Variants in MAML2 observed in about 807,000 individuals in gnomAD.
MAML2 encodes mastermind-like protein 2.
MAML2 carries 22 observed loss-of-function variants against 96.1 expected under a neutral mutation model. The observed-to-expected ratio is 0.23, with a 90% CI of 0.16 to 0.33. MAML2 has a LOEUF of 0.33. Ranked by LOEUF, MAML2 falls within the 10% of genes least tolerant of loss-of-function variation. The pLI, the probability that MAML2 is intolerant of heterozygous loss-of-function variation, is 1.00. For synonymous variants in MAML2, 561 were observed against 521.3 expected, an observed-to-expected ratio of 1.08 and a Z score of -1.04; for missense variants, 1,367 against 1,392.4, an observed-to-expected ratio of 0.98 and a Z score of 0.29.
chr11:96,237,224 C>T (rs1201599196), intron 1 of MAML2, among the ~76,000 whole-genome samples: 1 of 152,152 alleles, frequency 6.6e-6, no homozygotes, highest in East Asian at 1.9e-4. Context: ...TCTTCTCATC[C>T]TCTCAGATCC....
intron 1 of MAML2, among the ~76,000 whole-genome samples, chr11:96,181,968 G>A (rs1220701661): frequency 1.3e-5 from 2 of 151,942 alleles, no homozygotes; most frequent in Non-Finnish European, 2.9e-5. Context: ...TCTCATCTTG[G>A]CTCCCTTAAA....
intron 1 of MAML2, among the ~76,000 whole-genome samples, chr11:96,298,177 A>T (rs1039733593): frequency 6.6e-6 from 1 of 152,256 alleles, no homozygotes; most frequent in Admixed American, 6.5e-5. Context: ...TTTCTGCAAC[A>T]GTGACATCCA....
At chr11:96,224,955 T>C (rs1274260622) in intron 1 of MAML2, among the ~76,000 whole-genome samples, 1 of 152,252 alleles carries the variant, frequency 6.6e-6, no homozygotes, top group Non-Finnish European at 1.5e-5. Context: ...AAAAGCACTT[T>C]GTCTAAAAGC....
At chr11:96,292,379 T>C (rs937214268) in intron 1 of MAML2, among the ~76,000 whole-genome samples, 1 of 152,256 alleles carries the variant, frequency 6.6e-6, no homozygotes, top group Non-Finnish European at 1.5e-5. Context: ...ATGCTCACTA[T>C]GTATTTGGCT....
chr11:96,338,617 G>T (rs145154180), intron 1 of MAML2, among the ~76,000 whole-genome samples: 21 of 152,294 alleles, frequency 1.4e-4, no homozygotes, highest in African/African-American at 5.1e-4. Flanking sequence ...GTACTAGAAG[G>T]TATGCAGGAT....
intron 1 of MAML2, among the ~76,000 whole-genome samples, chr11:96,330,558 C>A (rs111917891): frequency 6.6e-6 from 1 of 152,182 alleles, no homozygotes; most frequent in African/African-American, 2.4e-5. Flanking sequence ...AAAACAATGA[C>A]GCAATATTTC....
rs187070659 is a variant in MAML2 at position 96,233,810 on chromosome 11, G to A, written c.513+107573C>T. On this transcript the variant is annotated intron_variant, in intron 1 of 4. Transcript: ENST00000524717. ...TGATACATCACCTCTTTCACCTGCC[G>A]TGTAGTTGGTATTCAGTGTTAGAAA... Among the ~76,000 whole-genome samples, 149 of 152,250 alleles carry A rather than the reference G, an allele frequency of 9.8e-4. 1 individual carries two copies. Among genetic ancestry groups the A allele is most frequent in the African/African-American group, 3.3e-3 (137 of 41,516 alleles).
At chr11:96,209,179 C>G (rs1190902623) in intron 1 of MAML2, among the ~76,000 whole-genome samples, 1 of 132,804 alleles carries the variant, frequency 7.5e-6, no homozygotes, top group Non-Finnish European at 1.5e-5. Flanking sequence ...TACTTGTTCA[C>G]AGAGAGCAAC....
intron 2 of MAML2, among the ~76,000 whole-genome samples, chr11:95,994,954 C>T (rs1857969950): frequency 6.6e-6 from 1 of 152,184 alleles, no homozygotes; most frequent in South Asian, 2.1e-4. Context: ...TAATTCACCT[C>T]TCTAAGCCTC....
chr11:96,034,452 A>AGTGT (rs1451571303), intron 2 of MAML2, among the ~76,000 whole-genome samples: 16 of 139,828 alleles, frequency 1.1e-4, no homozygotes, highest in African/African-American at 4.9e-4. Flanking sequence ...AGAGAGAGAG[A>AGTGT]GAGAGTGTGT....
At chr11:96,122,026 G>A (rs1302088539) in intron 1 of MAML2, among the ~76,000 whole-genome samples, 1 of 125,304 alleles carries the variant, frequency 8.0e-6, no homozygotes, top group Non-Finnish European at 1.6e-5. Flanking sequence ...TAGCCAGAAT[G>A]GTCTCGATCT....
rs1863989969 is a variant in MAML2 at position 96,341,401 on chromosome 11, C to T, written c.495G>A (p.Arg165=). The T allele has an allele frequency of 1.3e-6, 2 of 1,534,354 alleles. No individual in the cohort carries two copies. Among genetic ancestry groups the T allele is most frequent in the Non-Finnish European group, 1.8e-6 (2 of 1,137,040 alleles). The change falls in exon 1 of 5, where the codon AGG becomes AGA. Residue 165 remains arginine, a synonymous_variant. Transcript: ENST00000524717. ...QPPASTPGDQ[R]NSALIALQGS... ...TGCTTACCGCAATCAGGGCTGAGTT[C>T]CTCTGGTCCCCTGGGGTTGAAGCGG...
intron 1 of MAML2, among the ~76,000 whole-genome samples, chr11:96,093,945 A>T (rs954980570): frequency 6.6e-6 from 1 of 152,058 alleles, no homozygotes; most frequent in African/African-American, 2.4e-5. Flanking sequence ...TAAGCAAGAT[A>T]GAAAACACTC....
At chr11:96,137,400 T>C (rs755833722) in intron 1 of MAML2, among the ~76,000 whole-genome samples, 19 of 152,188 alleles carry the variant, frequency 1.2e-4, no homozygotes, top group Non-Finnish European at 2.2e-4. Flanking sequence ...AAGAAGCAAA[T>C]CTGACTAGTT....
chr11:96,138,940 C>T (rs1027075300), intron 1 of MAML2, among the ~76,000 whole-genome samples: 3 of 152,128 alleles, frequency 2.0e-5, no homozygotes, highest in Admixed American at 2.0e-4. Context: ...ATTTCACAAC[C>T]CATTCTAAAA....
chr11:96,116,887 T>C (rs781137007), intron 1 of MAML2, among the ~76,000 whole-genome samples: 1 of 152,056 alleles, frequency 6.6e-6, no homozygotes, highest in African/African-American at 2.4e-5. Context: ...ACGTAGCACA[T>C]GAGGAGGACA....
chr11:96,341,541 C>T lies in MAML2; in HGVS notation c.355G>A (p.Ala119Thr). The part of the protein sequence containing the change: ...PAAPPAASQA[A>T]ATAAPPPPPD... ...GGGGGCGGTGGGGCTGCTGTTGCTG[C>T]TGCTTGGGAGGCCGCAGGAGGGGCA... is the stretch of plus-strand genomic sequence containing the variant. Residue 119 changes from alanine (A) to threonine (T), a missense_variant, in exon 1 of 5, where the codon GCA (alanine) becomes ACA (threonine). By Grantham distance (58) the Ala-to-Thr change is moderately conservative (BLOSUM62 0). Transcript: ENST00000524717. 4 of 1,549,974 alleles carry T rather than the reference C, an allele frequency of 2.6e-6. No individual in the cohort carries two copies. Among genetic ancestry groups the T allele is most frequent in the Non-Finnish European group, 3.5e-6 (4 of 1,146,602 alleles).
chr11:96,208,812 A>T (rs1287366526), intron 1 of MAML2, among the ~76,000 whole-genome samples: 18 of 151,794 alleles, frequency 1.2e-4, no homozygotes, highest in Admixed American at 1.1e-3. Flanking sequence ...TAAAGAAATT[A>T]AAAAAAAATC....
At chr11:96,136,044 G>C (rs916684689) in intron 1 of MAML2, among the ~76,000 whole-genome samples, 3 of 152,088 alleles carry the variant, frequency 2.0e-5, no homozygotes, top group Non-Finnish European at 4.4e-5. Context: ...GCACTGAGGT[G>C]CCAGTGAACT....
Sources: gnomAD v4.1 joint callset for allele counts (sites outside exome capture counted in the v4.1 genomes callset) on GRCh38, gnomAD v4.1.1 for gene constraint, MANE v1.5 for transcripts, NCBI Gene and HGNC (gene_info 2026-07-23, HGNC 2026-07-21) for gene names.